TENM4: variants seen among roughly 807,000 people sequenced by gnomAD.
TENM4 encodes teneurin transmembrane protein 4.
A neutral mutation model predicts 243.3 loss-of-function variants in TENM4; 82 were observed. The ratio of observed to expected loss-of-function variants is 0.34; its 90% CI spans 0.28 to 0.40. The LOEUF is 0.40. Among genes scored for constraint, TENM4 ranks in the 10% least tolerant of loss-of-function variants. TENM4 has a pLI of 1.00. For missense variants in TENM4, 3,138 were observed against 3,673.3 expected (o/e 0.85, Z 3.77); for synonymous variants, 1,412 against 1,456.3 (o/e 0.97, Z 0.69).
chr11:79,270,509 G>T (rs1481065261), intron 2 of TENM4, among the ~76,000 whole-genome samples: 1 of 152,088 alleles, frequency 6.6e-6, no homozygotes, highest in Non-Finnish European at 1.5e-5. Flanking sequence ...CTCCCCACAT[G>T]GTACCTAAGG....
intron 2 of TENM4, among the ~76,000 whole-genome samples, chr11:79,228,658 A>G (rs1417970345): frequency 1.3e-5 from 2 of 152,212 alleles, no homozygotes; most frequent in South Asian, 4.2e-4. Flanking sequence ...AAAAAAAAAC[A>G]AGAAAATTTG....
chr11:78,815,163 A>C (rs745759590), intron 12 of TENM4, among the ~76,000 whole-genome samples: 9 of 152,124 alleles, frequency 5.9e-5, no homozygotes, highest in Non-Finnish European at 1.3e-4. Flanking sequence ...AGGCAGGTGG[A>C]TTACTTGAGG....
At chr11:78,976,622 A>C (rs1186690316) in intron 6 of TENM4, among the ~76,000 whole-genome samples, 1 of 152,164 alleles carries the variant, frequency 6.6e-6, no homozygotes, top group East Asian at 1.9e-4. Context: ...GAGGACCAAG[A>C]GTTCTAGAAA....
Position 78,805,281 on chromosome 11 carries a change from C to CACCCAACACCA in TENM4, c.2179+10_2179+11insTGGTGTTGGGT. 6.7e-7 allele frequency: 1 copy of CACCCAACACCA among 1,488,488 alleles called. No homozygotes were observed. Among genetic ancestry groups the CACCCAACACCA allele is most frequent in the Non-Finnish European group, 9.1e-7 (1 of 1,097,810 alleles). The allele number at this position is 1,488,488 out of a possible 1,614,324, so 92.2% of individuals were successfully genotyped here. A position where few individuals can be genotyped will look rare whatever the true frequency, so the allele number is the denominator to read the frequency against. On this transcript the variant is annotated intron_variant, in intron 15 of 33. Transcript: ENST00000278550. ...TCCCTCTACCCATGCTTCTTCTCCC[C>CACCCAACACCA]CTGCATTTACCGATAGAACAGTCGT...
chr11:79,312,023 G>A (rs1399160490), intron 1 of TENM4, among the ~76,000 whole-genome samples: 1 of 152,216 alleles, frequency 6.6e-6, no homozygotes, highest in Non-Finnish European at 1.5e-5. Flanking sequence ...GGCAGGGCTG[G>A]TGCGGACCCT....
Position 79,129,357 on chromosome 11 carries a change from G to A in TENM4, c.-66+19353C>T, listed in dbSNP as rs144890172. Among the ~76,000 whole-genome samples, 254 of 152,296 alleles carry A rather than the reference G, an allele frequency of 1.7e-3. 2 individuals are homozygous for A. The highest frequency in any genetic ancestry group is 6.8e-3 in the Middle Eastern group (2 of 294). On this transcript the variant is annotated intron_variant, in intron 4 of 33. Coordinates refer to ENST00000278550, the MANE Select transcript of TENM4 (RefSeq NM_001098816.3). ...AGCTGAACTCTGTAACAATTTGAAC[G>A]GGGTGAGAAGGCTCCTGGCCAGAAC...
chr11:78,890,756 G>A (rs1357944760), intron 8 of TENM4, among the ~76,000 whole-genome samples: 1 of 152,200 alleles, frequency 6.6e-6, no homozygotes, highest in African/African-American at 2.4e-5. Context: ...GCACATGGTT[G>A]TGACCAAACT....
intron 2 of TENM4, among the ~76,000 whole-genome samples, chr11:79,233,073 G>A (rs906642769): frequency 3.3e-5 from 5 of 152,160 alleles, no homozygotes; most frequent in African/African-American, 9.7e-5. Context: ...CTTTGTATAT[G>A]CACAGTTGCC....
intron 19 of TENM4, among the ~76,000 whole-genome samples, chr11:78,753,020 G>C (rs1400049018): frequency 6.6e-6 from 1 of 152,166 alleles, no homozygotes; most frequent in Non-Finnish European, 1.5e-5. Context: ...TAGACACATA[G>C]ACGTTAACAC....
At chr11:79,018,767 C>A (rs2136789856) in intron 6 of TENM4, among the ~76,000 whole-genome samples, 1 of 152,304 alleles carries the variant, frequency 6.6e-6, no homozygotes. Flanking sequence ...TCTGGCCATG[C>A]TGATCTACAT....
At chr11:79,073,807 A>C (rs897796207) in intron 4 of TENM4, among the ~76,000 whole-genome samples, 1 of 152,236 alleles carries the variant, frequency 6.6e-6, no homozygotes, top group African/African-American at 2.4e-5. Context: ...ATACACAATG[A>C]GTGCTCATAG....
Position 79,283,213 on chromosome 11 carries a change from AACACACACACAC to A in TENM4, c.-265+14263_-265+14274del, listed in dbSNP as rs33993080. Among the ~76,000 whole-genome samples, 208 of 136,038 alleles carry A rather than the reference AACACACACACAC, an allele frequency of 1.5e-3. 1 individual carries two copies. Among genetic ancestry groups the A allele is most frequent in the East Asian group, 0.01 (48 of 4,612 alleles). 89.2% of individuals were successfully genotyped at this position (136,038 alleles called of 152,430 possible). A position where few individuals can be genotyped will look rare whatever the true frequency, so the allele number is the denominator to read the frequency against. On this transcript the variant is annotated intron_variant, in intron 2 of 33. Coordinates refer to ENST00000278550, the MANE Select transcript of TENM4 (RefSeq NM_001098816.3). The stretch of plus-strand genomic sequence containing the variant: ...CAGACAAAGACATCACACACACACA[AACACACACACAC>A]ACACACACACACACACACACACACA...
At chr11:79,028,863 T>C (rs1321186979) in intron 6 of TENM4, among the ~76,000 whole-genome samples, 2 of 152,186 alleles carry the variant, frequency 1.3e-5, no homozygotes, top group African/African-American at 4.8e-5. Flanking sequence ...AGTTCAATTT[T>C]AGAAGTATTG....
chr11:78,708,480 C>A lies in TENM4; in HGVS notation c.4090G>T (p.Val1364Leu), dbSNP rs370492629. Reference sequence around the variant, plus strand: ...ATGCGTCTGATCATGGTGCCATCCACGAAGTAGATCAGCCCAAACTTGTCC... The same window carrying A: ...ATGCGTCTGATCATGGTGCCATCCAAGAAGTAGATCAGCCCAAACTTGTCC... ...TVDKFGLIYFVDGTMIRRIDQ... is the reference protein window; with the variant it reads ...TVDKFGLIYFLDGTMIRRIDQ... Residue 1364 changes from valine (V) to leucine (L), a missense_variant, in exon 27 of 34, where the codon GTG (valine) becomes TTG (leucine). By Grantham distance (32) the Val-to-Leu change is conservative. Coordinates refer to ENST00000278550, the MANE Select transcript of TENM4 (RefSeq NM_001098816.3). 1.2e-6 allele frequency: 2 copies of A among 1,613,990 alleles called. No individual in the cohort carries two copies. Among genetic ancestry groups the A allele is most frequent in the South Asian group, 2.2e-5 (2 of 91,060 alleles).
chr11:78,990,411 G>C (rs577100653), intron 6 of TENM4, among the ~76,000 whole-genome samples: 2 of 151,980 alleles, frequency 1.3e-5, no homozygotes, highest in South Asian at 2.1e-4. Context: ...GCACCCTGCC[G>C]CTGGCACAGA....
chr11:79,306,436 G>A (rs967056599), intron 1 of TENM4, among the ~76,000 whole-genome samples: 1 of 152,164 alleles, frequency 6.6e-6, no homozygotes, highest in Non-Finnish European at 1.5e-5. Flanking sequence ...GGGGCATTTA[G>A]GCCGAGGGAA....
At chr11:79,270,512 A>T (rs1855951391) in intron 2 of TENM4, among the ~76,000 whole-genome samples, 1 of 152,164 alleles carries the variant, frequency 6.6e-6, no homozygotes, top group Admixed American at 6.5e-5. Context: ...CCCACATGGT[A>T]CCTAAGGGTT....
At chr11:79,304,633 A>G (rs1856598337) in intron 1 of TENM4, among the ~76,000 whole-genome samples, 1 of 152,100 alleles carries the variant, frequency 6.6e-6, no homozygotes, top group Admixed American at 6.5e-5. Context: ...GTGTGAAGCA[A>G]TTTAGGATGA....
At chr11:78,919,020 C>T (rs1053339061) in intron 6 of TENM4, among the ~76,000 whole-genome samples, 2 of 152,090 alleles carry the variant, frequency 1.3e-5, no homozygotes, top group Non-Finnish European at 2.9e-5. Flanking sequence ...GAGATTGAAG[C>T]TTAAATGAGA....
Sources: gnomAD v4.1 joint callset for allele counts (sites outside exome capture counted in the v4.1 genomes callset) on GRCh38, gnomAD v4.1.1 for gene constraint, MANE v1.5 for transcripts, NCBI Gene and HGNC (gene_info 2026-07-23, HGNC 2026-07-21) for gene names.